METTL25: variants seen among roughly 807,000 people sequenced by gnomAD.
The protein encoded by METTL25 is probable methyltransferase-like protein 25.
A neutral mutation model predicts 71.6 loss-of-function variants in METTL25; 64 were observed. The ratio of observed to expected loss-of-function variants is 0.89; its 90% CI spans 0.73 to 1.10. The LOEUF is 1.10. METTL25 is among the 50% of genes least tolerant of loss of function. METTL25 has a pLI of 0.00. For synonymous variants in METTL25, 287 were observed against 250.3 expected (o/e 1.15, Z -1.38); for missense variants, 807 against 707.0 (o/e 1.14, Z -1.60).
intron 9 of METTL25, 145 bp from the exon 10 acceptor site, chr12:82,476,499 C>A (rs1430877910): frequency 3.3e-6 from 2 of 602,060 alleles, no homozygotes; most frequent in African/African-American, 3.9e-5. Context: ...TCTTGACTTG[C>A]TTCATGAATA....
intron 8 of METTL25, among the ~76,000 whole-genome samples, chr12:82,440,107 A>G (rs1210958907): frequency 1.3e-5 from 2 of 151,848 alleles, no homozygotes; most frequent in African/African-American, 4.8e-5. Context: ...ATTATTCTGT[A>G]TTCTCTGAGT....
At chr12:82,400,776 C>T (rs1385273020) in intron 4 of METTL25, among the ~76,000 whole-genome samples, 1 of 152,002 alleles carries the variant, frequency 6.6e-6, no homozygotes, top group Admixed American at 6.6e-5. Flanking sequence ...CCCCTATTCC[C>T]CCTACCCTCT....
At chr12:82,459,164 A>G (rs925577990) in intron 9 of METTL25, among the ~76,000 whole-genome samples, 12 of 152,184 alleles carry the variant, frequency 7.9e-5, no homozygotes, top group African/African-American at 2.9e-4. Context: ...CCAAATTCAG[A>G]TATGGCAAAA....
intron 5 of METTL25, among the ~76,000 whole-genome samples, chr12:82,425,581 C>T (rs1171317873): frequency 3.9e-5 from 6 of 152,014 alleles, no homozygotes; most frequent in Admixed American, 6.6e-5. Flanking sequence ...TCAGAGATTA[C>T]GCTGTTGAGG....
At chr12:82,469,239 G>C (rs562955238) in intron 9 of METTL25, among the ~76,000 whole-genome samples, 1 of 152,232 alleles carries the variant, frequency 6.6e-6, no homozygotes, top group South Asian at 2.1e-4. Flanking sequence ...GCAAGATGCT[G>C]CAACTGCATG....
chr12:82,398,264 T>A (rs962292688), intron 3 of METTL25, among the ~76,000 whole-genome samples: 3 of 151,516 alleles, frequency 2.0e-5, no homozygotes, highest in African/African-American at 4.9e-5. Flanking sequence ...TTTTTTTTTT[T>A]ATAGAGACAG....
At chr12:82,385,984 C>T (rs1180391399) in intron 1 of METTL25, among the ~76,000 whole-genome samples, 2 of 152,118 alleles carry the variant, frequency 1.3e-5, no homozygotes, top group Admixed American at 6.6e-5. Flanking sequence ...CATGATCCTC[C>T]TACAGAGAAG....
At chr12:82,416,616 T>TTTTTGTTTTG (rs200482325) in intron 5 of METTL25, among the ~76,000 whole-genome samples, 12 of 151,334 alleles carry the variant, frequency 7.9e-5, no homozygotes, top group South Asian at 6.3e-4. Context: ...AATTTTTGCT[T>TTTTTGTTTTG]TTTTGTTTTG....
chr12:82,434,246 A>G (rs899934986), intron 6 of METTL25, among the ~76,000 whole-genome samples: 1 of 151,340 alleles, frequency 6.6e-6, no homozygotes, highest in South Asian at 2.1e-4. Flanking sequence ...TTTTTTGTTC[A>G]CTAAAAGATG....
At chr12:82,450,574 G>A (rs1891067928) in intron 8 of METTL25, among the ~76,000 whole-genome samples, 3 of 151,896 alleles carry the variant, frequency 2.0e-5, no homozygotes, top group Admixed American at 2.0e-4. Flanking sequence ...TTTTTAAGTG[G>A]GCTCCTGCTC....
intron 1 of METTL25, among the ~76,000 whole-genome samples, chr12:82,361,598 A>C (rs1168976646): frequency 2.6e-5 from 4 of 152,132 alleles, no homozygotes; most frequent in African/African-American, 4.8e-5. Context: ...AGAATTCAAG[A>C]GCAGCGCTGG....
chr12:82,361,820 C>T (rs1592570105), intron 1 of METTL25, among the ~76,000 whole-genome samples: 1 of 152,224 alleles, frequency 6.6e-6, no homozygotes, highest in Non-Finnish European at 1.5e-5. Flanking sequence ...TCCCTGCAAG[C>T]TGAGAGAGCC....
chr12:82,386,847 T>G lies in METTL25; in HGVS notation c.304T>G (p.Leu102Val), dbSNP rs1565817245. The change falls in exon 2 of 12, where the codon TTG becomes GTG. Residue 102 changes from leucine to valine, a missense_variant. Coordinates refer to ENST00000248306, the MANE Select transcript of METTL25 (RefSeq NM_032230.3). ...AATATTTTGTGAAACTTCTCAGAAG[T>G]TGGTGAGTGTGGAAGCCTTTGCTCT... ...PKIFCETSQK[L>V]VSVEAFALAA... 11 of 1,613,294 alleles carry G rather than the reference T, an allele frequency of 6.8e-6. No homozygotes were observed. The highest frequency in any genetic ancestry group is 6.7e-5 in the East Asian group (3 of 44,850).
In METTL25 at chr12:82,478,986, A is replaced by G. The variant is rs776617240; in HGVS notation, c.1774A>G (p.Arg592Gly). 77 of 1,612,792 alleles carry G rather than the reference A, an allele frequency of 4.8e-5. No individual in the cohort carries two copies. Among genetic ancestry groups the G allele is most frequent in the Non-Finnish European group, 6.4e-5 (76 of 1,179,138 alleles). Reference sequence around the variant, plus strand: ...GTTGTTTGATCCCGTGAAATCTCCCAGATGTTATGCTGTTATTGCCCTGAA... The same window carrying G: ...GTTGTTTGATCCCGTGAAATCTCCCGGATGTTATGCTGTTATTGCCCTGAA... ...VKLFDPVKSP[R>G]CYAVIALKKQ... Residue 592 changes from arginine (R) to glycine (G), a missense_variant, in exon 12 of 12, where the codon AGA becomes GGA. Arg to Gly is a moderately radical substitution (Grantham distance 125). Coordinates refer to ENST00000248306, the MANE Select transcript of METTL25 (RefSeq NM_032230.3).
At chr12:82,476,952 C>T (rs963504878) in intron 10 of METTL25, among the ~76,000 whole-genome samples, 1 of 151,726 alleles carries the variant, frequency 6.6e-6, no homozygotes, top group African/African-American at 2.4e-5. Context: ...TTTCAGAGTC[C>T]TTTGAACACA....
intron 9 of METTL25, among the ~76,000 whole-genome samples, chr12:82,467,657 TC>T (rs2137291284): frequency 6.6e-6 from 1 of 152,268 alleles, no homozygotes; most frequent in African/African-American, 2.4e-5. Context: ...CCACTGTTCG[TC>T]TAATTGAGAT....
chr12:82,438,867 T>C, intron 8 of METTL25, 76 bp downstream of exon 8: 2 of 1,349,970 alleles, frequency 1.5e-6, no homozygotes, highest in African/African-American at 1.5e-5. Context: ...CAGGTGAATT[T>C]ATGCAGGGTC....
intron 1 of METTL25, among the ~76,000 whole-genome samples, chr12:82,382,230 A>G (rs929963064): frequency 1.3e-5 from 2 of 152,228 alleles, no homozygotes; most frequent in African/African-American, 4.8e-5. Context: ...TGTGAAGATT[A>G]TAATTAAGAG....
At chr12:82,397,446 T>C (rs997067449) in intron 3 of METTL25, among the ~76,000 whole-genome samples, 1 of 152,094 alleles carries the variant, frequency 6.6e-6, no homozygotes, top group Non-Finnish European at 1.5e-5. Context: ...AAGTTTTAAT[T>C]TTAGTAAAGT....
Sources: gnomAD v4.1 joint callset for allele counts (sites outside exome capture counted in the v4.1 genomes callset) on GRCh38, gnomAD v4.1.1 for gene constraint, MANE v1.5 for transcripts, NCBI Gene and HGNC (gene_info 2026-07-23, HGNC 2026-07-21) for gene names.